CPLANE1: variants seen among roughly 807,000 people sequenced by gnomAD.
CPLANE1 encodes ciliogenesis and planar polarity effector 1.
Under a neutral mutation model 362.5 loss-of-function variants are expected in CPLANE1, and 263 were observed. That is an observed-to-expected ratio of 0.73 (90% confidence interval 0.66 to 0.80). The LOEUF is 0.80. Among genes scored for constraint, CPLANE1 ranks in the 30% least tolerant of loss-of-function variants. The pLI is 0.00. For missense variants in CPLANE1, 3,461 were observed against 3,793.4 expected, an observed-to-expected ratio of 0.91 and a Z score of 2.30; for synonymous variants, 1,212 against 1,302.6, an observed-to-expected ratio of 0.93 and a Z score of 1.50.
At chr5:37,186,532 T>G (rs1784040955) in intron 23 of CPLANE1, 138 bp from the exon 24 acceptor site, 1 of 582,728 alleles carries the variant, frequency 1.7e-6, no homozygotes, top group South Asian at 2.2e-5. Flanking sequence ...AAAGCCTCTC[T>G]CTGAGCATCT....
In CPLANE1 at chr5:37,247,726, A is replaced by G. The variant is rs763485362; in HGVS notation, c.-28T>C. ...TTGTTAAGCTATCAATGACCAATTA[A>G]GTAAAACAGTCCCAAGATTCTGTAA... is the stretch of plus-strand genomic sequence containing the variant. On this transcript the variant is annotated 5_prime_UTR_variant, in exon 2 of 53. Transcript: ENST00000651892. 9.2e-6 allele frequency: 14 copies of G among 1,526,542 alleles called. No homozygotes were observed. The highest frequency in any genetic ancestry group is 5.3e-6 in the Non-Finnish European group (6 of 1,130,548). 94.6% of individuals were successfully genotyped at this position (1,526,542 alleles called of 1,614,324 possible). A position where few individuals can be genotyped will look rare whatever the true frequency, so the allele number is the denominator to read the frequency against.
intron 8 of CPLANE1, among the ~76,000 whole-genome samples, chr5:37,231,957 T>C (rs984032706): frequency 6.6e-6 from 1 of 151,900 alleles, no homozygotes. Flanking sequence ...TTATGAATAA[T>C]ATGAATGAGA....
intron 47 of CPLANE1, among the ~76,000 whole-genome samples, chr5:37,124,575 C>T (rs1468591869): frequency 1.3e-5 from 2 of 152,070 alleles, no homozygotes; most frequent in East Asian, 3.9e-4. Context: ...TTTGTAGACA[C>T]AGGGTCGCCC....
At chr5:37,134,975 T>G (rs1490410325) in intron 46 of CPLANE1, among the ~76,000 whole-genome samples, 2 of 151,828 alleles carry the variant, frequency 1.3e-5, no homozygotes, top group African/African-American at 4.8e-5. Context: ...GTATTTTTAG[T>G]AGAGATGGGG....
chr5:37,196,178 C>CA lies in CPLANE1; in HGVS notation c.3673-183dup, dbSNP rs11433764. Among the ~76,000 whole-genome samples the CA allele has an allele frequency of 0.97, 142,528 of 146,836 alleles. 69,202 individuals are homozygous for CA. The highest frequency in any genetic ancestry group is 1 in the East Asian group (5,049 of 5,072). On this transcript the variant is annotated intron_variant, in intron 20 of 52. Transcript: ENST00000651892. ...CAGGAAAGTCACTAGCTTGTTATCT[C>CA]AAAAAAAAAAAAGGTTCTAAGTAAA...
chr5:37,170,476 C>A, intron 32 of CPLANE1, 145 bp from the exon 33 acceptor site: 10 of 844,616 alleles, frequency 1.2e-5, no homozygotes, highest in South Asian at 6.9e-5. Context: ...AGGAGGCAGT[C>A]AGGGAAATTT....
intron 43 of CPLANE1, among the ~76,000 whole-genome samples, chr5:37,146,065 A>C (rs1269464342): frequency 6.6e-6 from 1 of 152,234 alleles, no homozygotes; most frequent in South Asian, 2.1e-4. Context: ...TTCTTCAACA[A>C]AGAAAACTTC....
At position 37,164,255 on chromosome 5, in the gene CPLANE1, A is replaced by C; in HGVS notation, c.7588+18T>G. Reference sequence around the variant, plus strand: ...TAACTCTAAACTTAGACATTACATTAATCATACACATACATACCAAAAGGA... The same window carrying C: ...TAACTCTAAACTTAGACATTACATTCATCATACACATACATACCAAAAGGA... On this transcript the variant is annotated intron_variant, in intron 37 of 52. Transcript: ENST00000651892. 1 of 1,580,544 alleles carries C rather than the reference A, an allele frequency of 6.3e-7. No individual in the cohort carries two copies. Among genetic ancestry groups the C allele is most frequent in the Non-Finnish European group, 8.7e-7 (1 of 1,150,696 alleles).
intron 50 of CPLANE1, among the ~76,000 whole-genome samples, chr5:37,115,355 C>T (rs1760626430): frequency 6.6e-6 from 1 of 152,228 alleles, no homozygotes; most frequent in South Asian, 2.1e-4. Flanking sequence ...ACATAATAAG[C>T]CTCTTAGCAG....
chr5:37,172,335 C>T (rs1029779915), intron 32 of CPLANE1, among the ~76,000 whole-genome samples: 19 of 151,952 alleles, frequency 1.3e-4, no homozygotes, highest in Non-Finnish European at 1.5e-5. Flanking sequence ...TGGCTATTAC[C>T]GACATATAGT....
intron 8 of CPLANE1, among the ~76,000 whole-genome samples, chr5:37,237,363 A>G (rs1346847534): frequency 2.6e-5 from 4 of 152,230 alleles, no homozygotes; most frequent in Non-Finnish European, 5.9e-5. Context: ...GTCAAATACT[A>G]CATATTCTAA....
In CPLANE1 at chr5:37,107,715, C is replaced by T. The variant is rs757393817; in HGVS notation, c.9643G>A (p.Val3215Met). 3.5e-5 allele frequency: 57 copies of T among 1,612,026 alleles called. No homozygotes were observed. The highest frequency in any genetic ancestry group is 1.2e-4 in the South Asian group (11 of 90,508). The change falls in exon 53 of 53, where the codon GTG (valine) becomes ATG (methionine). Residue 3215 changes from valine to methionine, a missense_variant. Physicochemically the swap from Val to Met is conservative, Grantham distance 21 (BLOSUM62 1). Around this residue, in one of 2 missense-constraint regions of CPLANE1, gnomAD observed 81 missense variants for 127.3 expected, o/e 0.64. Transcript: ENST00000651892. ...AGGATGCTGCCAGTGCTCTCAGACA[C>T]GCTGTCCACACCGCCCACCCCAAAA... is the stretch of plus-strand genomic sequence containing the variant. ...HPFGVGGVDS[V>M]SESTGSILSK...
chr5:37,132,779 T>G (rs190152507), intron 46 of CPLANE1, among the ~76,000 whole-genome samples: 43 of 152,340 alleles, frequency 2.8e-4, no homozygotes, highest in Non-Finnish European at 5.6e-4. Flanking sequence ...GCTCTTTAAT[T>G]ACATCCCACT....
intron 16 of CPLANE1, chr5:37,210,432 C>A: frequency 9.8e-7 from 1 of 1,019,314 alleles, no homozygotes; most frequent in Non-Finnish European, 1.5e-6. Flanking sequence ...TCAACTTGAA[C>A]TAAAGGACGA....
chr5:37,113,619 C>A (rs922502538), intron 51 of CPLANE1, among the ~76,000 whole-genome samples: 1 of 151,946 alleles, frequency 6.6e-6, no homozygotes, highest in Non-Finnish European at 1.5e-5. Context: ...TAGAAAATAC[C>A]GCCATAGACA....
intron 51 of CPLANE1, among the ~76,000 whole-genome samples, chr5:37,112,415 G>T (rs776469215): frequency 2.0e-5 from 3 of 152,174 alleles, no homozygotes; most frequent in Non-Finnish European, 4.4e-5. Flanking sequence ...GAAAAGTTCT[G>T]TGAAACTGAG....
rs539113110 is a variant in CPLANE1 at position 37,164,404 on chromosome 5, A to G, written c.7534-77T>C. The G allele has an allele frequency of 6.3e-5, 68 of 1,080,120 alleles. No homozygotes were observed. The African/African-American group carries it at 8.4e-4, about 13-fold the overall frequency. The allele number at this position is 1,080,120 out of a possible 1,614,324, so 66.9% of individuals were successfully genotyped here. Reference sequence around the variant, plus strand: ...ATTTTTGAAAAAAAAATCAATAGCTATGAAGATTGAATTCTCATGTATAAC... The same window carrying G: ...ATTTTTGAAAAAAAAATCAATAGCTGTGAAGATTGAATTCTCATGTATAAC... On this transcript the variant is annotated intron_variant, in intron 36 of 52. Transcript: ENST00000651892.
chr5:37,108,599 T>G, intron 51 of CPLANE1, 128 bp from the exon 52 acceptor site: 1 of 867,486 alleles, frequency 1.2e-6, no homozygotes, highest in Non-Finnish European at 1.7e-6. Flanking sequence ...AATCACAAGG[T>G]CTGGAAATGG....
chr5:37,125,223 C>T, intron 47 of CPLANE1, 21 bp downstream of exon 47: 1 of 1,601,662 alleles, frequency 6.2e-7, no homozygotes, highest in Non-Finnish European at 8.5e-7. Flanking sequence ...AATTCCATTA[C>T]CCTTGACATG....
Sources: gnomAD v4.1 joint callset for allele counts (sites outside exome capture counted in the v4.1 genomes callset) on GRCh38, gnomAD v4.1.1 for gene constraint, gnomAD v4.1.1 regional missense constraint, MANE v1.5 for transcripts, NCBI Gene and HGNC (gene_info 2026-07-23, HGNC 2026-07-21) for gene names.